Variants in SLC24A2 observed in about 807,000 individuals in gnomAD.
SLC24A2 encodes solute carrier family 24 member 2, also known as sodium/potassium/calcium exchanger 2.
SLC24A2 carries 36 observed loss-of-function variants against 62.0 expected under a neutral mutation model. That is an observed-to-expected ratio of 0.58 (90% CI 0.44 to 0.77). SLC24A2 has a LOEUF of 0.77. Among genes scored for constraint, SLC24A2 ranks in the 30% least tolerant of loss-of-function variants. SLC24A2 has a pLI of 0.00. For missense variants in SLC24A2, 846 were observed against 817.9 expected, an observed-to-expected ratio of 1.03 and a Z score of -0.42; for synonymous variants, 358 against 294.0, an observed-to-expected ratio of 1.22 and a Z score of -2.23.
the SLC24A2 span, among the ~76,000 whole-genome samples, chr9:19,994,186 T>C: frequency 6.6e-6 from 1 of 152,268 alleles, no homozygotes; most frequent in South Asian, 2.1e-4. Context: ...GATGACAATC[T>C]CCTTCGTCAG....
At chr9:19,548,436 A>C (rs1410720511) in intron 8 of SLC24A2, among the ~76,000 whole-genome samples, 2 of 152,178 alleles carry the variant, frequency 1.3e-5, no homozygotes, top group Non-Finnish European at 2.9e-5. Flanking sequence ...TGCCAACAAT[A>C]TACATATTCC....
At chr9:19,835,286 G>A in the SLC24A2 span, among the ~76,000 whole-genome samples, 3 of 152,116 alleles carry the variant, frequency 2.0e-5, no homozygotes, top group African/African-American at 7.2e-5. Flanking sequence ...CTGGCAAATT[G>A]GATAAAGAGT....
At chr9:19,706,201 C>A (rs1420539052) in intron 2 of SLC24A2, among the ~76,000 whole-genome samples, 1 of 151,236 alleles carries the variant, frequency 6.6e-6, no homozygotes, top group Non-Finnish European at 1.5e-5. Context: ...CCTTCTTTGT[C>A]TCTTTTGATC....
chr9:20,271,658 A>G, the SLC24A2 span, among the ~76,000 whole-genome samples: 1 of 152,302 alleles, frequency 6.6e-6, no homozygotes, highest in Admixed American at 6.5e-5. Context: ...CAAGCAAGAG[A>G]CTGACACAGA....
the SLC24A2 span, among the ~76,000 whole-genome samples, chr9:20,047,264 T>C: frequency 6.6e-6 from 1 of 152,134 alleles, no homozygotes; most frequent in Non-Finnish European, 1.5e-5. Context: ...ACTTTCTAGC[T>C]ATGCAGACTG....
chr9:19,886,168 C>T, the SLC24A2 span, among the ~76,000 whole-genome samples: 883 of 152,224 alleles, frequency 5.8e-3, 33 homozygotes, highest in Admixed American at 0.049. Flanking sequence ...TTTGAGAAGT[C>T]GCCACACTGC....
intron 2 of SLC24A2, among the ~76,000 whole-genome samples, chr9:19,674,762 G>T (rs549747956): frequency 9.5e-4 from 144 of 152,060 alleles, no homozygotes; most frequent in Non-Finnish European, 1.4e-3. Context: ...TTCCTATCTT[G>T]TATCTTTTTC....
At chr9:19,775,080 C>A (rs1822806495) in intron 2 of SLC24A2, among the ~76,000 whole-genome samples, 1 of 152,180 alleles carries the variant, frequency 6.6e-6, no homozygotes, top group Non-Finnish European at 1.5e-5. Flanking sequence ...CAGGCTTAGT[C>A]CTGCTGATGC....
At chr9:19,811,197 A>G in the SLC24A2 span, among the ~76,000 whole-genome samples, 2 of 152,152 alleles carry the variant, frequency 1.3e-5, no homozygotes, top group Admixed American at 6.6e-5. Flanking sequence ...CTGCCATACA[A>G]TGAGAAATTG....
At chr9:19,826,954 T>C in the SLC24A2 span, among the ~76,000 whole-genome samples, 16 of 152,308 alleles carry the variant, frequency 1.1e-4, no homozygotes, top group Admixed American at 2.0e-4. Flanking sequence ...TCTTCTCCTT[T>C]TCCTGTACTC....
At chr9:19,961,131 G>A in the SLC24A2 span, among the ~76,000 whole-genome samples, 249 of 102,610 alleles carry the variant, frequency 2.4e-3, no homozygotes, top group African/African-American at 8.3e-3. Context: ...GAGAGAGACA[G>A]AAGAAAGGGG....
chr9:19,622,852 C>T (rs1238216860), intron 2 of SLC24A2, among the ~76,000 whole-genome samples: 1 of 152,032 alleles, frequency 6.6e-6, no homozygotes, highest in Non-Finnish European at 1.5e-5. Context: ...ATTCATTGCT[C>T]CATGTATTAT....
At chr9:19,946,045 T>C in the SLC24A2 span, among the ~76,000 whole-genome samples, 1 of 152,182 alleles carries the variant, frequency 6.6e-6, no homozygotes, top group African/African-American at 2.4e-5. Flanking sequence ...TTAGAAATGT[T>C]CAAGTTTATT....
At chr9:20,260,842 A>ATTTTTTTTTTTT in the SLC24A2 span, among the ~76,000 whole-genome samples, 2 of 124,958 alleles carry the variant, frequency 1.6e-5, no homozygotes, top group African/African-American at 6.2e-5. Context: ...CCAACGTATC[A>ATTTTTTTTTTTT]TTCTTTCTTT....
At chr9:19,944,219 T>TA in the SLC24A2 span, among the ~76,000 whole-genome samples, 1 of 152,106 alleles carries the variant, frequency 6.6e-6, no homozygotes, top group Non-Finnish European at 1.5e-5. Flanking sequence ...AGACCTTCTT[T>TA]AAGTAATCAA....
chr9:19,948,915 A>G, the SLC24A2 span, among the ~76,000 whole-genome samples: 1 of 151,024 alleles, frequency 6.6e-6, no homozygotes, highest in East Asian at 1.9e-4. Flanking sequence ...TAAAATGTTT[A>G]TTGTTTATTC....
chr9:19,581,804 G>A (rs190686103), intron 5 of SLC24A2, among the ~76,000 whole-genome samples: 1 of 152,296 alleles, frequency 6.6e-6, no homozygotes, highest in Non-Finnish European at 1.5e-5. Context: ...GTGTAACATT[G>A]AGCCTGCCAA....
chr9:19,576,265 A>C (rs1387459637), intron 6 of SLC24A2, among the ~76,000 whole-genome samples: 1 of 152,252 alleles, frequency 6.6e-6, no homozygotes, highest in Non-Finnish European at 1.5e-5. Flanking sequence ...ATTTAGAATA[A>C]GAGAGCTATA....
chr9:20,127,655 T>C, the SLC24A2 span, among the ~76,000 whole-genome samples: 1 of 152,132 alleles, frequency 6.6e-6, no homozygotes, highest in African/African-American at 2.4e-5. Flanking sequence ...ACTTAAGTCA[T>C]TGTTCCAGTT....
Sources: allele counts gnomAD v4.1 joint callset (sites outside exome capture counted in the v4.1 genomes callset), GRCh38; gene constraint gnomAD v4.1.1; transcripts MANE v1.5; gene names NCBI Gene and HGNC (gene_info 2026-07-23, HGNC 2026-07-21).